HUNK: variants seen among roughly 807,000 people sequenced by gnomAD.
HUNK encodes hormonally up-regulated neu tumor-associated kinase.
A neutral mutation model predicts 61.0 loss-of-function variants in HUNK; 21 were observed. That is an observed-to-expected ratio of 0.34 (90% CI 0.24 to 0.50). HUNK has a LOEUF of 0.50. Ranked by LOEUF, HUNK falls within the 20% of genes least tolerant of loss-of-function variation. The pLI is 0.98. For missense variants in HUNK, 772 were observed against 945.7 expected (o/e 0.82, Z 2.41); for synonymous variants, 371 against 386.1 (o/e 0.96, Z 0.46).
At chr21:31,896,952 G>A (rs764608279) in intron 1 of HUNK, among the ~76,000 whole-genome samples, 84 of 152,168 alleles carry the variant, frequency 5.5e-4, no homozygotes, top group Non-Finnish European at 1.0e-3. Context: ...ACTATAAACT[G>A]TGTGGCTTAG....
chr21:31,959,733 C>T (rs2052914274), intron 5 of HUNK, among the ~76,000 whole-genome samples: 1 of 152,200 alleles, frequency 6.6e-6, no homozygotes, highest in Non-Finnish European at 1.5e-5. Flanking sequence ...TTAACTGCAA[C>T]TTATGATACT....
chr21:31,883,714 G>A (rs2052326148), intron 1 of HUNK, among the ~76,000 whole-genome samples: 2 of 152,286 alleles, frequency 1.3e-5, no homozygotes, highest in Middle Eastern at 3.4e-3. Context: ...ACATATTTCT[G>A]AGGAGAGGGT....
intron 7 of HUNK, among the ~76,000 whole-genome samples, chr21:31,983,095 A>G (rs2017872): frequency 0.56 from 85,398 of 152,158 alleles, 25,047 homozygotes; most frequent in African/African-American, 0.75. Context: ...GAGCCACTGC[A>G]CCCAGCCGTG....
At chr21:31,986,731 A>C (rs940210687) in intron 8 of HUNK, among the ~76,000 whole-genome samples, 1 of 152,024 alleles carries the variant, frequency 6.6e-6, no homozygotes, top group Non-Finnish European at 1.5e-5. Context: ...GGCTGTGCAC[A>C]TGCTGCTCCC....
rs1169374905 is a variant in HUNK at position 32,002,570 on chromosome 21, T to G, written c.*3386T>G. The G allele has an allele frequency of 3.3e-5, 5 of 152,204 alleles. No homozygotes were observed. The highest frequency in any genetic ancestry group is 1.2e-4 in the African/African-American group (5 of 41,446). The allele number at this position is 152,204 out of a possible 1,614,324, so 9.4% of individuals were successfully genotyped here. A position where few individuals can be genotyped will look rare whatever the true frequency, so the allele number is the denominator to read the frequency against. Reference sequence around the variant, plus strand: ...AATCAACCTTTTTCATTTGGGGATATTAGGATCTTCCTTGGAGACTCTGAA... The same window carrying G: ...AATCAACCTTTTTCATTTGGGGATAGTAGGATCTTCCTTGGAGACTCTGAA... On this transcript the variant is annotated 3_prime_UTR_variant, in exon 11 of 11. Transcript: ENST00000270112.
chr21:31,888,971 G>T (rs531064790), intron 1 of HUNK, among the ~76,000 whole-genome samples: 1 of 152,222 alleles, frequency 6.6e-6, no homozygotes, highest in African/African-American at 2.4e-5. Flanking sequence ...TCTCTGAGTA[G>T]CTCTGGTTCG....
At chr21:31,874,745 G>A (rs946447014) in intron 1 of HUNK, among the ~76,000 whole-genome samples, 12 of 152,104 alleles carry the variant, frequency 7.9e-5, no homozygotes, top group African/African-American at 2.9e-4. Flanking sequence ...CCAGAGACTG[G>A]GAGATGCCTT....
intron 2 of HUNK, among the ~76,000 whole-genome samples, chr21:31,939,949 TCA>T (rs10610174): frequency 0.013 from 1,998 of 152,234 alleles, 43 homozygotes; most frequent in African/African-American, 0.044. Context: ...TTGCTGTCTG[TCA>T]TGTCTGAAAT....
At position 31,958,895 on chromosome 21, in the gene HUNK, C is replaced by T; in HGVS notation, c.799C>T (p.Pro267Ser). ...CGGGACGCTGCCTTTCACGGTGGAG[C>T]CTTTCAGCCTGAGGGCTTTGTACCA... The part of the protein sequence containing the change: ...LTGTLPFTVE[P>S]FSLRALYQKM... Residue 267 changes from proline to serine, a missense_variant, in exon 5 of 11, where the codon CCT becomes TCT. Physicochemically the swap from Pro to Ser is moderately conservative, Grantham distance 74. Coordinates refer to ENST00000270112, the MANE Select transcript of HUNK (RefSeq NM_014586.2). 1 of 1,610,552 alleles carries T rather than the reference C, an allele frequency of 6.2e-7. No individual in the cohort carries two copies. Among genetic ancestry groups the T allele is most frequent in the Non-Finnish European group, 8.5e-7 (1 of 1,178,778 alleles).
At chr21:31,938,767 G>A (rs938656156) in intron 2 of HUNK, among the ~76,000 whole-genome samples, 1 of 152,216 alleles carries the variant, frequency 6.6e-6, no homozygotes, top group African/African-American at 2.4e-5. Context: ...GTGTGTCTGT[G>A]TGTGTGCGTG....
rs1321184115 is a variant in HUNK, at chr21:31,995,966, A to T, written c.1486+18A>T. 6.2e-7 allele frequency: 1 copy of T among 1,600,514 alleles called. No homozygotes were observed. The highest frequency in any genetic ancestry group is 8.5e-7 in the Non-Finnish European group (1 of 1,171,138). ...CGACAAAGGTGGGTCAGCTCTGGGG[A>T]CTCTCTCAGGCCACTCGTGTTGGGC... On this transcript the variant is annotated intron_variant, in intron 10 of 10. Coordinates refer to ENST00000270112, the MANE Select transcript of HUNK (RefSeq NM_014586.2).
intron 10 of HUNK, 151 bp downstream of exon 10, chr21:31,996,099 A>AC (rs397790622): frequency 1.9e-6 from 1 of 522,070 alleles, no homozygotes; most frequent in Non-Finnish European, 3.2e-6. Flanking sequence ...AGGTTGCCTG[A>AC]GCACAGTCCA....
chr21:31,964,201 C>T (rs556438348), intron 5 of HUNK, among the ~76,000 whole-genome samples: 5 of 152,170 alleles, frequency 3.3e-5, no homozygotes, highest in African/African-American at 4.8e-5. Flanking sequence ...GGAGGAGAAG[C>T]GTTAGCTTTT....
intron 4 of HUNK, among the ~76,000 whole-genome samples, chr21:31,958,360 G>A (rs769172525): frequency 2.6e-5 from 4 of 151,872 alleles, no homozygotes; most frequent in Admixed American, 1.3e-4. Flanking sequence ...GTGCAATGGC[G>A]TGATCTTGGC....
intron 4 of HUNK, among the ~76,000 whole-genome samples, chr21:31,952,956 C>T (rs2052861808): frequency 1.3e-5 from 2 of 152,020 alleles, no homozygotes; most frequent in South Asian, 4.1e-4. Context: ...CACGGAGAAT[C>T]CAGAAAGCCC....
intron 7 of HUNK, among the ~76,000 whole-genome samples, chr21:31,976,214 A>G (rs183088014): frequency 3.3e-5 from 5 of 152,174 alleles, no homozygotes; most frequent in African/African-American, 1.2e-4. Context: ...GATTTCACAG[A>G]TGGTGTCACT....
chr21:31,998,301 C>T (rs911535771), intron 10 of HUNK, among the ~76,000 whole-genome samples: 1 of 152,168 alleles, frequency 6.6e-6, no homozygotes, highest in African/African-American at 2.4e-5. Context: ...GACGTCCTGT[C>T]GCCAGCCCTC....
intron 7 of HUNK, among the ~76,000 whole-genome samples, chr21:31,980,080 T>C (rs920412628): frequency 1.1e-4 from 15 of 142,180 alleles, no homozygotes; most frequent in African/African-American, 3.5e-4. Flanking sequence ...TGTTTATTTA[T>C]TTATTTTTTG....
intron 7 of HUNK, among the ~76,000 whole-genome samples, chr21:31,976,826 A>G (rs2053053637): frequency 6.7e-6 from 1 of 149,068 alleles, no homozygotes; most frequent in African/African-American, 2.5e-5. Flanking sequence ...GCTAGAGTGC[A>G]GTGGCATGAT....
Sources: allele counts gnomAD v4.1 joint callset (sites outside exome capture counted in the v4.1 genomes callset), GRCh38; gene constraint gnomAD v4.1.1; transcripts MANE v1.5; gene names NCBI Gene and HGNC (gene_info 2026-07-23, HGNC 2026-07-21).